Variants in KCNT2 observed in about 807,000 individuals in gnomAD.
The protein encoded by KCNT2 is potassium channel subfamily T member 2.
KCNT2 carries 67 observed loss-of-function variants against 153.8 expected under a neutral mutation model. The ratio of observed to expected loss-of-function variants is 0.44; its 90% CI spans 0.36 to 0.53. The LOEUF (loss-of-function observed/expected upper bound fraction) is 0.53, where lower values mean the gene tolerates loss of function less well. Among genes scored for constraint, KCNT2 ranks in the 20% least tolerant of loss-of-function variants. The pLI, the probability that KCNT2 is intolerant of heterozygous loss-of-function variation, is 0.00. For synonymous variants in KCNT2, 500 were observed against 458.8 expected (o/e 1.09, Z -1.15); for missense variants, 975 against 1,354.8 (o/e 0.72, Z 4.40).
intron 22 of KCNT2, among the ~76,000 whole-genome samples, chr1:196,295,667 G>A (rs963908748): frequency 1.1e-4 from 17 of 151,908 alleles, no homozygotes; most frequent in African/African-American, 3.6e-4. Flanking sequence ...TAAAAACTAG[G>A]TTTTGAGTAA....
chr1:196,570,100 T>TAAAAAAAAAAAAAAAAAA (rs1553256605), intron 1 of KCNT2, among the ~76,000 whole-genome samples: 60 of 129,466 alleles, frequency 4.6e-4, no homozygotes, highest in African/African-American at 2.1e-3. Flanking sequence ...AAAAAAAAAT[T>TAAAAAAAAAAAAAAAAAA]AAAGGCCTTT....
intron 26 of KCNT2, among the ~76,000 whole-genome samples, chr1:196,236,433 A>C (rs1654444952): frequency 6.6e-6 from 1 of 151,554 alleles, no homozygotes; most frequent in Admixed American, 6.6e-5. Context: ...TCATGGTTAT[A>C]GATAACAATC....
At chr1:196,431,291 C>T (rs1239247417) in intron 8 of KCNT2, among the ~76,000 whole-genome samples, 1 of 151,954 alleles carries the variant, frequency 6.6e-6, no homozygotes, top group Admixed American at 6.6e-5. Flanking sequence ...ATAACAAATA[C>T]CTAAAAATGT....
chr1:196,528,089 C>A (rs2148840748), intron 1 of KCNT2, among the ~76,000 whole-genome samples: 1 of 152,336 alleles, frequency 6.6e-6, no homozygotes, highest in Non-Finnish European at 1.5e-5. Context: ...GCTTCCAGAT[C>A]ACAAATTAAA....
chr1:196,484,731 GTT>G (rs1470189285), intron 3 of KCNT2, among the ~76,000 whole-genome samples: 1 of 152,026 alleles, frequency 6.6e-6, no homozygotes, highest in Non-Finnish European at 1.5e-5. Context: ...TCCAGTTTCA[GTT>G]TTCTGCATAT....
rs183480363 is a variant in KCNT2 at position 196,243,410 on chromosome 1, T to A, written c.3212-7340A>T. On this transcript the variant is annotated intron_variant, in intron 26 of 27. Transcript: ENST00000294725. ...TGAGGTGAGCAACTACAGCATCTGT[T>A]TTTAACTTTATGTCACTGAAAGAGG... Among the ~76,000 whole-genome samples, 20 of 152,280 alleles carry A rather than the reference T, an allele frequency of 1.3e-4. No homozygotes were observed. The East Asian group carries it at 3.9e-3, about 29-fold the overall frequency.
intron 12 of KCNT2, among the ~76,000 whole-genome samples, chr1:196,422,191 G>C (rs1338436268): frequency 6.6e-6 from 1 of 151,982 alleles, no homozygotes; most frequent in Admixed American, 6.6e-5. Flanking sequence ...GGACAACACA[G>C]AGCCTGCCCA....
intron 14 of KCNT2, among the ~76,000 whole-genome samples, chr1:196,356,544 TGAGCTTACTTCA>T (rs1275532124): frequency 6.6e-6 from 1 of 151,834 alleles, no homozygotes; most frequent in Non-Finnish European, 1.5e-5. Context: ...TTCCAAATCC[TGAGCTTACTTCA>T]GAGAGTTTTA....
intron 8 of KCNT2, among the ~76,000 whole-genome samples, chr1:196,430,395 TCTCTC>T (rs1674041797): frequency 6.7e-5 from 10 of 149,114 alleles, no homozygotes; most frequent in Admixed American, 6.6e-4. Flanking sequence ...TCTCTCTCTC[TCTCTC>T]TCTCTCTTTC....
chr1:196,355,918 T>C (rs1010218592), intron 14 of KCNT2, among the ~76,000 whole-genome samples: 5 of 151,806 alleles, frequency 3.3e-5, no homozygotes, highest in Admixed American at 2.0e-4. Flanking sequence ...GCTTAGTGAA[T>C]ACCATATGCT....
intron 14 of KCNT2, among the ~76,000 whole-genome samples, chr1:196,361,730 A>G (rs1324192463): frequency 1.3e-5 from 2 of 152,122 alleles, no homozygotes; most frequent in Non-Finnish European, 2.9e-5. Flanking sequence ...GAAGTCTGTT[A>G]ATACTTTCAA....
intron 1 of KCNT2, among the ~76,000 whole-genome samples, chr1:196,592,155 A>C (rs1006085484): frequency 2.6e-5 from 4 of 152,140 alleles, no homozygotes; most frequent in African/African-American, 7.2e-5. Context: ...AATGTGGTAC[A>C]TATACACAAT....
intron 1 of KCNT2, among the ~76,000 whole-genome samples, chr1:196,577,906 C>T (rs71631856): frequency 0.041 from 6,202 of 151,968 alleles, 147 homozygotes; most frequent in South Asian, 0.081. Context: ...ATTAGAAATG[C>T]AAAGAAGCAA....
At chr1:196,488,957 C>G (rs1679648485) in intron 3 of KCNT2, among the ~76,000 whole-genome samples, 1 of 152,000 alleles carries the variant, frequency 6.6e-6, no homozygotes, top group East Asian at 1.9e-4. Flanking sequence ...CAGAGTGGAA[C>G]TGGGCTACAA....
chr1:196,416,797 AT>A (rs1672792824), intron 12 of KCNT2, among the ~76,000 whole-genome samples: 2 of 152,168 alleles, frequency 1.3e-5, no homozygotes, highest in South Asian at 4.2e-4. Context: ...ACTCTTAGTT[AT>A]TTTTAAATGT....
At chr1:196,400,357 G>A (rs1671306290) in intron 12 of KCNT2, among the ~76,000 whole-genome samples, 1 of 151,808 alleles carries the variant, frequency 6.6e-6, no homozygotes, top group African/African-American at 2.4e-5. Context: ...ATTATGTTTA[G>A]TGTTGTGTTG....
intron 7 of KCNT2, among the ~76,000 whole-genome samples, chr1:196,465,720 C>T (rs1677556564): frequency 6.6e-6 from 1 of 151,620 alleles, no homozygotes; most frequent in African/African-American, 2.4e-5. Context: ...ATGGAAAATC[C>T]TAATTTCAAA....
chr1:196,499,562 T>C (rs890184278), intron 1 of KCNT2, among the ~76,000 whole-genome samples: 1 of 152,220 alleles, frequency 6.6e-6, no homozygotes, highest in African/African-American at 2.4e-5. Context: ...ACTAATAGTA[T>C]GGTAGGAGAG....
Position 196,426,008 on chromosome 1 carries a change from C to T in KCNT2, c.985-20G>A, listed in dbSNP as rs749445152. 3.4e-5 allele frequency: 55 copies of T among 1,602,492 alleles called. 1 individual carries two copies. In the Middle Eastern group the frequency reaches 6.6e-4, roughly 19 times the overall value. On this transcript the variant is annotated intron_variant, in intron 10 of 27. Transcript: ENST00000294725. ...ATAATCCTATTCAAAACAAAATGGG[C>T]AATGGAATAGAAACAAAAATGTTTT...
Sources: allele counts gnomAD v4.1 joint callset (sites outside exome capture counted in the v4.1 genomes callset), GRCh38; gene constraint gnomAD v4.1.1; transcripts MANE v1.5; gene names NCBI Gene and HGNC (gene_info 2026-07-23, HGNC 2026-07-21).